Variants in SORCS1 observed in about 807,000 individuals in gnomAD.
SORCS1 encodes sortilin related VPS10 domain containing receptor 1.
SORCS1 carries 60 observed loss-of-function variants against 146.1 expected under a neutral mutation model. The observed-to-expected ratio is 0.41, with a 90% CI of 0.33 to 0.51. SORCS1 has a LOEUF of 0.51. Ranked by LOEUF, SORCS1 falls within the 20% of genes least tolerant of loss-of-function variation. SORCS1 has a pLI of 0.21. For missense variants in SORCS1, 1,352 were observed against 1,487.6 expected, an observed-to-expected ratio of 0.91 and a Z score of 1.50; for synonymous variants, 637 against 584.0, an observed-to-expected ratio of 1.09 and a Z score of -1.31.
intron 1 of SORCS1, among the ~76,000 whole-genome samples, chr10:107,090,931 C>G (rs1248347571): frequency 6.6e-6 from 1 of 151,970 alleles, no homozygotes; most frequent in Non-Finnish European, 1.5e-5. Context: ...CACACACACA[C>G]ACACACACAC....
intron 1 of SORCS1, among the ~76,000 whole-genome samples, chr10:107,052,108 G>T (rs1960178632): frequency 6.6e-6 from 1 of 152,114 alleles, no homozygotes. Context: ...AGTGTCATCT[G>T]CAGGTTTCAT....
chr10:106,582,160 T>C lies in SORCS1; in HGVS notation c.3266-2686A>G, dbSNP rs545522428. Among the ~76,000 whole-genome samples the C allele has an allele frequency of 5.4e-5, 8 of 146,808 alleles. No homozygotes were observed. The South Asian group carries it at 1.1e-3, about 21-fold the overall frequency. On this transcript the variant is annotated intron_variant, in intron 24 of 25. Coordinates refer to ENST00000263054, the MANE Select transcript of SORCS1 (RefSeq NM_052918.5). ...ACATACACACACACACACACACACA[T>C]GAACCTTTTCCCTTCTCTTTCCTTC...
chr10:106,840,821 A>C (rs751452687), intron 2 of SORCS1, among the ~76,000 whole-genome samples: 19 of 148,240 alleles, frequency 1.3e-4, no homozygotes, highest in Non-Finnish European at 2.4e-4. Context: ...TCAGATAATA[A>C]TTCACATTTT....
At chr10:106,875,549 A>G (rs1175654247) in intron 2 of SORCS1, among the ~76,000 whole-genome samples, 1 of 152,162 alleles carries the variant, frequency 6.6e-6, no homozygotes, top group African/African-American at 2.4e-5. Flanking sequence ...ACTGTTTTCC[A>G]TAGAGGTTGT....
chr10:106,851,286 G>A (rs922146712), intron 2 of SORCS1, among the ~76,000 whole-genome samples: 9 of 152,032 alleles, frequency 5.9e-5, no homozygotes, highest in African/African-American at 2.2e-4. Context: ...AGGTCATTTA[G>A]GTTTTCTCCT....
intron 3 of SORCS1, among the ~76,000 whole-genome samples, chr10:106,800,854 T>G (rs1946833582): frequency 6.6e-6 from 1 of 152,282 alleles, no homozygotes; most frequent in Non-Finnish European, 1.5e-5. Context: ...TCCAGGTGAA[T>G]CTTAAAAAGA....
At chr10:106,652,045 C>T (rs551377462) in intron 18 of SORCS1, among the ~76,000 whole-genome samples, 43 of 152,162 alleles carry the variant, frequency 2.8e-4, no homozygotes, top group African/African-American at 3.9e-4. Flanking sequence ...AGTATATGTA[C>T]GTATTAAATT....
At chr10:106,990,106 G>T (rs1209323040) in intron 1 of SORCS1, among the ~76,000 whole-genome samples, 1 of 152,150 alleles carries the variant, frequency 6.6e-6, no homozygotes, top group African/African-American at 2.4e-5. Flanking sequence ...AATACCTCTG[G>T]AGTAGTATAG....
In SORCS1 at chr10:106,692,241, G is replaced by GT. The variant is rs1158297118; in HGVS notation, c.1414-3904dup. Among the ~76,000 whole-genome samples, 3 of 151,982 alleles carry GT rather than the reference G, an allele frequency of 2.0e-5. No homozygotes were observed. The South Asian group carries it at 6.2e-4, about 32-fold the overall frequency. On this transcript the variant is annotated intron_variant, in intron 9 of 25. Transcript: ENST00000263054. ...TTCTTTTGTTTGTTTGTTTTGTTTTGTTTTTGGTAGAGACAGGGTTTTGTC... is the reference window on the plus strand; with the variant it reads ...TTCTTTTGTTTGTTTGTTTTGTTTTGTTTTTTGGTAGAGACAGGGTTTTGTC...
intron 3 of SORCS1, among the ~76,000 whole-genome samples, chr10:106,811,246 C>T (rs879620535): frequency 2.0e-5 from 3 of 152,120 alleles, no homozygotes; most frequent in Non-Finnish European, 2.9e-5. Context: ...CAAATCAAAA[C>T]TTCCACTGTC....
intron 1 of SORCS1, among the ~76,000 whole-genome samples, chr10:107,051,141 A>C (rs1960068522): frequency 6.6e-6 from 1 of 152,170 alleles, no homozygotes; most frequent in Non-Finnish European, 1.5e-5. Context: ...GTTCTCAAGG[A>C]GCTTATAGTT....
At chr10:107,088,011 C>T (rs1565024946) in intron 1 of SORCS1, among the ~76,000 whole-genome samples, 1 of 152,154 alleles carries the variant, frequency 6.6e-6, no homozygotes, top group East Asian at 1.9e-4. Context: ...CTCCGCCTCC[C>T]GGGTTCACGC....
At chr10:106,781,320 A>G (rs1483503759) in intron 3 of SORCS1, among the ~76,000 whole-genome samples, 1 of 152,072 alleles carries the variant, frequency 6.6e-6, no homozygotes, top group East Asian at 1.9e-4. Flanking sequence ...TAATGGAAAA[A>G]GTATTTATTT....
chr10:106,701,346 T>C (rs1564874794), intron 8 of SORCS1, among the ~76,000 whole-genome samples: 1 of 152,142 alleles, frequency 6.6e-6, no homozygotes, highest in Non-Finnish European at 1.5e-5. Context: ...AGAAATGAGC[T>C]TTTAGAACCG....
rs1043835411 is a variant in SORCS1 at position 106,735,018 on chromosome 10, C to T, written c.960-4904G>A. ...AAAATTAGCCGGGCATGGTGGCGGGCAGCTGTAATCCCAGCTACTCAGGAG... is the reference window on the plus strand; with the variant it reads ...AAAATTAGCCGGGCATGGTGGCGGGTAGCTGTAATCCCAGCTACTCAGGAG... On this transcript the variant is annotated intron_variant, in intron 5 of 25. Coordinates refer to ENST00000263054, the MANE Select transcript of SORCS1 (RefSeq NM_052918.5). Among the ~76,000 whole-genome samples, 6 of 151,888 alleles carry T rather than the reference C, an allele frequency of 4.0e-5. No individual in the cohort carries two copies. In the South Asian group the frequency reaches 6.2e-4, roughly 16 times the overall value.
intron 1 of SORCS1, among the ~76,000 whole-genome samples, chr10:107,160,243 C>T (rs1969600622): frequency 6.6e-6 from 1 of 152,222 alleles, no homozygotes; most frequent in Non-Finnish European, 1.5e-5. Context: ...TTCCGTCCTA[C>T]TTTAAAGTCC....
At chr10:106,992,324 C>A (rs1225345777) in intron 1 of SORCS1, among the ~76,000 whole-genome samples, 3 of 151,930 alleles carry the variant, frequency 2.0e-5, no homozygotes, top group Non-Finnish European at 2.9e-5. Context: ...AAGCTCAAGC[C>A]AGGAAAAGAG....
chr10:106,780,082 C>A (rs567163978), intron 3 of SORCS1, among the ~76,000 whole-genome samples: 9 of 152,002 alleles, frequency 5.9e-5, no homozygotes, highest in Admixed American at 5.9e-4. Flanking sequence ...TTAATGCGAT[C>A]TAAATAAAAA....
chr10:106,768,995 G>T (rs1211240243), intron 4 of SORCS1, among the ~76,000 whole-genome samples: 2 of 152,190 alleles, frequency 1.3e-5, no homozygotes, highest in African/African-American at 4.8e-5. Flanking sequence ...GGGGTAGGAC[G>T]TGACAGAGCA....
Sources: gnomAD v4.1 joint callset for allele counts (sites outside exome capture counted in the v4.1 genomes callset) on GRCh38, gnomAD v4.1.1 for gene constraint, MANE v1.5 for transcripts, NCBI Gene and HGNC (gene_info 2026-07-23, HGNC 2026-07-21) for gene names.